The following NT5C1B variants were observed in gnomAD, a reference collection of about 807,000 sequenced individuals.
NT5C1B encodes cytosolic 5'-nucleotidase 1B.
NT5C1B carries 44 observed loss-of-function variants against 57.8 expected under a neutral mutation model. The observed-to-expected ratio is 0.76, with a 90% CI of 0.60 to 0.98. The LOEUF is 0.98. Among genes scored for constraint, NT5C1B ranks in the 50% least tolerant of loss-of-function variants. The pLI, the probability that NT5C1B is intolerant of heterozygous loss-of-function variation, is 0.00. For synonymous variants in NT5C1B, 284 were observed against 282.6 expected, an observed-to-expected ratio of 1.00 and a Z score of -0.05; for missense variants, 742 against 719.5, an observed-to-expected ratio of 1.03 and a Z score of -0.36.
Position 18,584,524 on chromosome 2 carries a change from C to A in NT5C1B, c.713G>T (p.Arg238Leu). The A allele has an allele frequency of 6.2e-7, 1 of 1,609,666 alleles. No homozygotes were observed. Among genetic ancestry groups the A allele is most frequent in the Non-Finnish European group, 8.5e-7 (1 of 1,178,552 alleles). The change falls in exon 4 of 9, where the codon CGC (arginine) becomes CTC (leucine). Residue 238 changes from arginine (R) to leucine (L), a missense_variant. By Grantham distance (102) the Arg-to-Leu change is moderately radical (BLOSUM62 -2). Transcript: ENST00000304081. This position sits in a 1 kb window ranked among gnomAD's most constrained non-coding sequence, Gnocchi z 5.8. ...GGCGGGCTGGCTCACCGGCCAGGGG[C>A]GCGAGCAGCTCGGGTTCTTCTCGTA...
chr2:18,586,513 C>G, intron 2 of NT5C1B, 122 bp from the exon 3 acceptor site: 1 of 1,404,418 alleles, frequency 7.1e-7, no homozygotes, highest in Non-Finnish European at 9.6e-7. Flanking sequence ...GATCCCTGGC[C>G]TCAATGACTC....
chr2:18,579,329 C>G (rs1665977914), intron 6 of NT5C1B, among the ~76,000 whole-genome samples: 1 of 152,054 alleles, frequency 6.6e-6, no homozygotes, highest in African/African-American at 2.4e-5. Context: ...CTGGAATAGC[C>G]AAAGCAAAAC....
intron 6 of NT5C1B, among the ~76,000 whole-genome samples, chr2:18,577,499 C>T (rs149322199): frequency 0.012 from 1,848 of 150,852 alleles, 17 homozygotes; most frequent in Non-Finnish European, 0.018. Context: ...CAACCTGCTC[C>T]TGAATGACTT....
At chr2:18,568,791 T>C (rs1264836821) in intron 8 of NT5C1B, among the ~76,000 whole-genome samples, 5 of 152,112 alleles carry the variant, frequency 3.3e-5, no homozygotes, top group African/African-American at 1.2e-4. Context: ...TCAAACCCGC[T>C]TGGAGTCTTC....
In NT5C1B at chr2:18,584,124, G is replaced by A; in HGVS notation, c.855C>T (p.Val285=). ...GGAACGCCGGGCCCGGGGTCAGGATGACGTTCTCATTGGTGAGCTGATACT... is the reference window on the plus strand; with the variant it reads ...GGAACGCCGGGCCCGGGGTCAGGATAACGTTCTCATTGGTGAGCTGATACT... The change falls in exon 5 of 9, where the codon GTC becomes GTT. Residue 285 remains valine, a synonymous_variant. Coordinates refer to ENST00000304081, the Ensembl canonical transcript of NT5C1B. This position sits in a 1 kb window ranked among gnomAD's most constrained non-coding sequence, Gnocchi z 5.8. 1 of 1,614,172 alleles carries A rather than the reference G, an allele frequency of 6.2e-7. No individual in the cohort carries two copies. Among genetic ancestry groups the A allele is most frequent in the Non-Finnish European group, 8.5e-7 (1 of 1,180,042 alleles).
chr2:18,571,264 G>A (rs1393660364), intron 8 of NT5C1B, among the ~76,000 whole-genome samples: 1 of 151,920 alleles, frequency 6.6e-6, no homozygotes, highest in Non-Finnish European at 1.5e-5. Flanking sequence ...CAACATTATT[G>A]TTGACTTAGA....
intron 3 of NT5C1B, among the ~76,000 whole-genome samples, chr2:18,585,701 C>CA (rs1333751420): frequency 6.6e-6 from 1 of 152,112 alleles, no homozygotes; most frequent in Admixed American, 6.5e-5. Context: ...ACACATGACT[C>CA]AAAAAAGCAT....
chr2:18,582,396 T>C (rs1666257603), intron 6 of NT5C1B, among the ~76,000 whole-genome samples: 1 of 152,170 alleles, frequency 6.6e-6, no homozygotes, highest in Non-Finnish European at 1.5e-5. Context: ...GAGACTAGAA[T>C]CAATCAAATT....
At chr2:18,571,689 ACTCT>A (rs1327349438) in intron 8 of NT5C1B, among the ~76,000 whole-genome samples, 2 of 123,598 alleles carry the variant, frequency 1.6e-5, no homozygotes, top group Non-Finnish European at 3.1e-5. Flanking sequence ...ATCAGACTGT[ACTCT>A]CTCTCTCTTT....
At chr2:18,575,486 G>A (rs1458925641) in intron 8 of NT5C1B, among the ~76,000 whole-genome samples, 2 of 151,940 alleles carry the variant, frequency 1.3e-5, no homozygotes, top group Non-Finnish European at 2.9e-5. Context: ...AAATTTCTTG[G>A]GAAAATTGAT....
At chr2:18,588,589 T>A (rs1280804576) in intron 1 of NT5C1B, among the ~76,000 whole-genome samples, 1 of 152,222 alleles carries the variant, frequency 6.6e-6, no homozygotes, top group African/African-American at 2.4e-5. Flanking sequence ...TTACTTCTAA[T>A]TCCAAATGAT....
In NT5C1B at chr2:18,584,247, G is replaced by C. The variant is rs745786904; in HGVS notation, c.732C>G (p.Pro244=). The C allele has an allele frequency of 1.9e-6, 3 of 1,613,492 alleles. No homozygotes were observed. The highest frequency in any genetic ancestry group is 2.2e-5 in the South Asian group (2 of 91,064). The change falls in exon 5 of 9, where the codon CCC becomes CCG. Residue 244 remains proline, a synonymous_variant. Transcript: ENST00000304081. This position sits in a 1 kb window ranked among gnomAD's most constrained non-coding sequence, Gnocchi z 5.8. ...AGAGAGCAATGGTGATGGCGTTCTT[G>C]GGTTTGGGCTGCAGAGAGGGACGCC...
In NT5C1B at chr2:18,584,691, C is replaced by T. The variant is rs1427221015; in HGVS notation, c.546G>A (p.Glu182=). ...CCCTGCGCTGGCTGGAGGACTTCCA[C>T]TCGGTGGGGGACGTGCGCGAATATT... Residue 182 remains glutamate (E), a synonymous_variant, in exon 4 of 9, where the codon GAG becomes GAA. Coordinates refer to ENST00000304081, the Ensembl canonical transcript of NT5C1B. This position sits in a 1 kb window ranked among gnomAD's most constrained non-coding sequence, Gnocchi z 5.8. The T allele has an allele frequency of 1.2e-6, 2 of 1,611,968 alleles. No homozygotes were observed. Among genetic ancestry groups the T allele is most frequent in the Non-Finnish European group, 1.7e-6 (2 of 1,178,738 alleles).
intron 8 of NT5C1B, among the ~76,000 whole-genome samples, chr2:18,575,015 A>T (rs918593192): frequency 3.3e-5 from 5 of 152,102 alleles, no homozygotes; most frequent in Admixed American, 2.0e-4. Flanking sequence ...AAATGAGAAA[A>T]GAACTGAAAA....
intron 8 of NT5C1B, among the ~76,000 whole-genome samples, chr2:18,568,093 C>CAT (rs1465183927): frequency 1.4e-5 from 2 of 138,762 alleles, no homozygotes; most frequent in African/African-American, 6.1e-5. Context: ...GTGGGACACA[C>CAT]ACACACACAC....
chr2:18,588,111 T>C (rs1289058167), intron 1 of NT5C1B, among the ~76,000 whole-genome samples: 1 of 152,212 alleles, frequency 6.6e-6, no homozygotes, highest in Non-Finnish European at 1.5e-5. Context: ...ATGTCTTCTG[T>C]TCCTATCATT....
At chr2:18,589,159 A>G (rs953007026) in intron 1 of NT5C1B, among the ~76,000 whole-genome samples, 3 of 152,248 alleles carry the variant, frequency 2.0e-5, no homozygotes, top group Non-Finnish European at 4.4e-5. Flanking sequence ...CTACTAACAT[A>G]TGAGTATATG....
chr2:18,576,232 G>T, exon 8 of NT5C1B: 2 of 1,613,646 alleles, frequency 1.2e-6, no homozygotes, highest in South Asian at 2.2e-5. Flanking sequence ...GGAAGAATTT[G>T]TCGAGCCCAT....
exon 8 of NT5C1B, chr2:18,576,317 T>C (rs760542907): frequency 2.9e-5 from 47 of 1,613,622 alleles, no homozygotes; most frequent in Non-Finnish European, 3.1e-5. Context: ...GAGCTGAGTG[T>C]CACAGTAAGC....
Sources: allele counts gnomAD v4.1 joint callset (sites outside exome capture counted in the v4.1 genomes callset), GRCh38; gene constraint gnomAD v4.1.1; non-coding constraint Gnocchi (gnomAD v3.1); transcripts MANE v1.5; gene names NCBI Gene and HGNC (gene_info 2026-07-23, HGNC 2026-07-21).